RFT1: variants seen among roughly 807,000 people sequenced by gnomAD.
The protein encoded by RFT1 is man(5)GlcNAc(2)-PP-dolichol translocation protein RFT1.
In RFT1, 43 loss-of-function variants were observed where a neutral mutation model predicts 62.2. The ratio of observed to expected loss-of-function variants is 0.69; its 90% CI spans 0.54 to 0.89. RFT1 has a LOEUF of 0.89. Among genes scored for constraint, RFT1 ranks in the 40% least tolerant of loss-of-function variants. The pLI is 0.00. For missense variants in RFT1, 605 were observed against 649.9 expected (o/e 0.93, Z 0.75); for synonymous variants, 262 against 264.6 (o/e 0.99, Z 0.10).
At chr3:53,087,342 A>G (rs562858772), downstream of RFT1, among the ~76,000 whole-genome samples, 3 of 152,224 alleles carry the variant, frequency 2.0e-5, no homozygotes, top group Admixed American at 1.3e-4. Flanking sequence ...GCCAGGGATC[A>G]TGCTGCCCCT....
chr3:53,092,741 A>G, intron 11 of RFT1, 123 bp from the exon 12 acceptor site: 4 of 1,117,162 alleles, frequency 3.6e-6, no homozygotes, highest in Non-Finnish European at 5.2e-6. Flanking sequence ...CCAGGTTTTC[A>G]TAACATCGAA....
chr3:53,086,233 G>A (rs1315234036), downstream of RFT1, among the ~76,000 whole-genome samples: 2 of 152,124 alleles, frequency 1.3e-5, no homozygotes, highest in African/African-American at 4.8e-5. Context: ...AAATACACAA[G>A]TCTCAGTTAC....
At position 53,130,367 on chromosome 3, in the gene RFT1, G is replaced by A. The variant is rs748244290; in HGVS notation, c.34C>T (p.Arg12Trp). 9 of 1,565,972 alleles carry A rather than the reference G, an allele frequency of 5.7e-6. No individual in the cohort carries two copies. The highest frequency in any genetic ancestry group is 6.9e-6 in the Non-Finnish European group (8 of 1,155,722). Residue 12 changes from arginine to tryptophan, a missense_variant, in exon 1 of 13, where the codon CGG becomes TGG. By Grantham distance (101) the Arg-to-Trp change is moderately radical. Coordinates refer to ENST00000296292, the MANE Select transcript of RFT1 (RefSeq NM_052859.4). ...AGGAGGAGACCGGAGGAGGCCAGCC[G>A]GGCCGCGTGGCCCAGCACCTCCTGG... ...GSQEVLGHAA[R>W]LASSGLLLQV...
rs369135875 is a variant in RFT1 at position 53,092,483 on chromosome 3, G to A, written c.1344C>T (p.Cys448=). Residue 448 remains cysteine, a synonymous_variant, in exon 12 of 13, where the codon TGC becomes TGT. Coordinates refer to ENST00000296292, the MANE Select transcript of RFT1 (RefSeq NM_052859.4). ...TCCTTCGGTAGTAGCGGTGGATGAA[G>A]CAAAGGCTCTGCGTGATCCGAATGC... ...NMGIRITQSL[C]FIHRYYRRSP... 104 of 1,612,394 alleles carry A rather than the reference G, an allele frequency of 6.5e-5. No individual in the cohort carries two copies. In the Middle Eastern group the frequency reaches 6.6e-4, roughly 10 times the overall value.
At chr3:53,101,479 C>T (rs1701311932) in intron 10 of RFT1, among the ~76,000 whole-genome samples, 1 of 152,214 alleles carries the variant, frequency 6.6e-6, no homozygotes, top group East Asian at 1.9e-4. Context: ...ATGGAGAACA[C>T]AAACTCTGGC....
At position 53,090,470 on chromosome 3, in the gene RFT1, T is replaced by C. The variant is rs1035278147; in HGVS notation, c.*1433A>G. 3 of 152,270 alleles carry C rather than the reference T, an allele frequency of 2.0e-5. No homozygotes were observed. Among genetic ancestry groups the C allele is most frequent in the Middle Eastern group, 3.2e-3 (1 of 316 alleles). 9.4% of individuals were successfully genotyped at this position (152,270 alleles called of 1,614,324 possible). A position where few individuals can be genotyped will look rare whatever the true frequency, so the allele number is the denominator to read the frequency against. Reference sequence around the variant, plus strand: ...TCAGGACACCTTGCATTTAGCTGCTTTTCTCCCACTTAGTGCAAAGCATTC... The same window carrying C: ...TCAGGACACCTTGCATTTAGCTGCTCTTCTCCCACTTAGTGCAAAGCATTC... On this transcript the variant is annotated 3_prime_UTR_variant, in exon 13 of 13. Transcript: ENST00000296292.
chr3:53,122,548 C>G lies in RFT1; in HGVS notation c.282G>C (p.Val94=). ...TCCAGCCCAGGAATAAGGACCAAAA[C>G]ACACCCAGGGGGACTCTAGAAGAGG... The part of the protein sequence containing the change: ...NLLWLTVPLG[V]FWSLFLGWIW... Residue 94 remains valine, a synonymous_variant, in exon 4 of 13, where the codon GTG becomes GTC. Coordinates refer to ENST00000296292, the MANE Select transcript of RFT1 (RefSeq NM_052859.4). 2 of 1,612,118 alleles carry G rather than the reference C, an allele frequency of 1.2e-6. No homozygotes were observed. The highest frequency in any genetic ancestry group is 1.1e-5 in the South Asian group (1 of 90,874).
intron 5 of RFT1, among the ~76,000 whole-genome samples, chr3:53,120,856 A>G (rs1388549219): frequency 6.6e-6 from 1 of 151,816 alleles, no homozygotes; most frequent in Admixed American, 6.6e-5. Flanking sequence ...TCTGCTCTCC[A>G]CTCCCAACCA....
intron 11 of RFT1, among the ~76,000 whole-genome samples, chr3:53,094,334 T>C (rs367654566): frequency 6.9e-6 from 1 of 145,206 alleles, no homozygotes; most frequent in African/African-American, 2.6e-5. Flanking sequence ...TCAAAGTGGG[T>C]GGTAAAAATA....
chr3:53,105,309 G>C (rs1051945573), intron 9 of RFT1, among the ~76,000 whole-genome samples: 3 of 152,184 alleles, frequency 2.0e-5, no homozygotes, highest in African/African-American at 7.2e-5. Context: ...AGCTACTCAG[G>C]AGGCTGAGGC....
At chr3:53,107,821 G>A (rs72965401) in intron 7 of RFT1, among the ~76,000 whole-genome samples, 1 of 152,084 alleles carries the variant, frequency 6.6e-6, no homozygotes, top group Non-Finnish European at 1.5e-5. Flanking sequence ...CGCCCTGAAG[G>A]GCAAATTCTC....
intron 9 of RFT1, among the ~76,000 whole-genome samples, 179 bp from the exon 10 acceptor site, chr3:53,104,276 AGTGT>A (rs1701402570): frequency 6.6e-6 from 1 of 152,214 alleles, no homozygotes; most frequent in Non-Finnish European, 1.5e-5. Flanking sequence ...TGAAGGAAAA[AGTGT>A]GTGTCTCCTT....
intron 5 of RFT1, 60 bp downstream of exon 5, chr3:53,121,639 G>T: frequency 4.4e-6 from 6 of 1,359,360 alleles, no homozygotes; most frequent in Non-Finnish European, 6.2e-6. Context: ...GTGGGAACAA[G>T]AAGAAAAACC....
chr3:53,111,823 T>G lies in RFT1; in HGVS notation c.775+7A>C. The G allele has an allele frequency of 6.2e-7, 1 of 1,611,732 alleles. No homozygotes were observed. Among genetic ancestry groups the G allele is most frequent in the Non-Finnish European group, 8.5e-7 (1 of 1,177,754 alleles). Reference sequence around the variant, plus strand: ...CTCCCGACGATTCAGAGTGACCGTCTACTTACCTTCTGTCAAAATCTGTTT... The same window carrying G: ...CTCCCGACGATTCAGAGTGACCGTCGACTTACCTTCTGTCAAAATCTGTTT... On this transcript the variant is annotated splice_region_variant and intron_variant, in intron 7 of 12. Coordinates refer to ENST00000296292, the MANE Select transcript of RFT1 (RefSeq NM_052859.4).
At chr3:53,074,157 T>C in the RFT1 span, among the ~76,000 whole-genome samples, 30 of 152,010 alleles carry the variant, frequency 2.0e-4, no homozygotes, top group Non-Finnish European at 1.8e-4. Flanking sequence ...AAGACGGAAA[T>C]TGTCCCAGGG....
chr3:53,105,563 A>G (rs1195117913), intron 9 of RFT1, 110 bp downstream of exon 9: 39 of 1,332,660 alleles, frequency 2.9e-5, no homozygotes, highest in Admixed American at 1.4e-4. Flanking sequence ...AATGAAATCT[A>G]TAAGAAAATT....
chr3:53,113,149 G>A (rs1458180150), intron 6 of RFT1, among the ~76,000 whole-genome samples: 1 of 152,066 alleles, frequency 6.6e-6, no homozygotes, highest in East Asian at 1.9e-4. Flanking sequence ...CAGAATAGCC[G>A]GGACTACAGG....
chr3:53,120,656 A>G (rs1250579299), intron 5 of RFT1, among the ~76,000 whole-genome samples: 1 of 152,028 alleles, frequency 6.6e-6, no homozygotes, highest in Non-Finnish European at 1.5e-5. Context: ...TGAGGAGGAA[A>G]GTCCAAAAAA....
chr3:53,120,118 T>A, intron 5 of RFT1, 97 bp from the exon 6 acceptor site: 1 of 525,318 alleles, frequency 1.9e-6, no homozygotes, highest in Non-Finnish European at 2.9e-6. Flanking sequence ...CTCTCTTGAT[T>A]AACTGCACTT....
Sources: allele counts gnomAD v4.1 joint callset (sites outside exome capture counted in the v4.1 genomes callset), GRCh38; gene constraint gnomAD v4.1.1; transcripts MANE v1.5; gene names NCBI Gene and HGNC (gene_info 2026-07-23, HGNC 2026-07-21).